Variants in CEP97 observed in about 807,000 individuals in gnomAD.
The protein encoded by CEP97 is centrosomal protein of 97 kDa.
A neutral mutation model predicts 73.1 loss-of-function variants in CEP97; 43 were observed. The ratio of observed to expected loss-of-function variants is 0.59; its 90% CI spans 0.46 to 0.76. The LOEUF (loss-of-function observed/expected upper bound fraction) is 0.76. CEP97 is among the 30% of genes least tolerant of loss of function. The pLI is 0.00. For missense variants in CEP97, 939 were observed against 1,014.0 expected (o/e 0.93, Z 1.00); for synonymous variants, 337 against 370.0 (o/e 0.91, Z 1.02).
chr3:101,731,222 C>G (rs1938098278), intron 4 of CEP97, among the ~76,000 whole-genome samples: 1 of 128,374 alleles, frequency 7.8e-6, no homozygotes, highest in African/African-American at 3.0e-5. Context: ...TAATTTGAGA[C>G]ATCAGAGTCT....
At chr3:101,740,593 CT>C (rs529087626) in intron 6 of CEP97, among the ~76,000 whole-genome samples, 196 of 144,660 alleles carry the variant, frequency 1.4e-3, no homozygotes, top group Admixed American at 1.7e-3. Context: ...CATTGACTTT[CT>C]TTTTTTTTTT....
At chr3:101,729,965 T>G (rs568177945) in intron 4 of CEP97, among the ~76,000 whole-genome samples, 2 of 151,786 alleles carry the variant, frequency 1.3e-5, no homozygotes, top group Admixed American at 6.6e-5. Context: ...CCACCACACC[T>G]GGCTAATTTT....
chr3:101,734,872 C>T (rs1938225023), intron 6 of CEP97, among the ~76,000 whole-genome samples: 1 of 152,072 alleles, frequency 6.6e-6, no homozygotes, highest in African/African-American at 2.4e-5. Context: ...TAAAGAGAGA[C>T]CCACAAAGAG....
At chr3:101,740,666 T>C (rs192312143) in intron 6 of CEP97, among the ~76,000 whole-genome samples, 7 of 152,156 alleles carry the variant, frequency 4.6e-5, no homozygotes, top group African/African-American at 7.2e-5. Flanking sequence ...CTCGGCTCAC[T>C]ACAACCTCCA....
chr3:101,727,444 G>C lies in CEP97; in HGVS notation c.248G>C (p.Arg83Pro), dbSNP rs765011864. 1.9e-6 allele frequency: 3 copies of C among 1,613,724 alleles called. No homozygotes were observed. In the African/African-American group the frequency reaches 4.0e-5, roughly 22 times the overall value. ...MMGVAKLTLL[R>P]VLNLPHNSIG... ...GGTGTGGCCAAGCTGACGTTGCTTC[G>C]TGTATTAAATTTGCCTCATAATAGC... is the stretch of plus-strand genomic sequence containing the variant. The change falls in exon 3 of 11, where the codon CGT (arginine) becomes CCT (proline). Residue 83 changes from arginine (R) to proline (P), a missense_variant. By Grantham distance (103) the Arg-to-Pro change is moderately radical. Coordinates refer to ENST00000341893, the MANE Select transcript of CEP97 (RefSeq NM_024548.4).
chr3:101,765,114 G>A lies in CEP97; in HGVS notation c.2161G>A (p.Glu721Lys). The change falls in exon 11 of 11, where the codon GAG becomes AAG. Residue 721 changes from glutamate to lysine, a missense_variant. Physicochemically the swap from Glu to Lys is moderately conservative, Grantham distance 56 (BLOSUM62 1). Coordinates refer to ENST00000341893, the MANE Select transcript of CEP97 (RefSeq NM_024548.4). ...TTCATTGCAGCATTCTTTGGATTTT[G>A]AGAAAAGTTCCACAGAAGGCAGTGA... ...VHSLQHSLDFEKSSTEGSESS... is the reference protein window; with the variant it reads ...VHSLQHSLDFKKSSTEGSESS... 6.2e-7 allele frequency: 1 copy of A among 1,614,148 alleles called. No homozygotes were observed. Among genetic ancestry groups the A allele is most frequent in the Non-Finnish European group, 8.5e-7 (1 of 1,180,032 alleles).
chr3:101,740,825 G>A (rs1015775391), intron 6 of CEP97, among the ~76,000 whole-genome samples: 1 of 152,184 alleles, frequency 6.6e-6, no homozygotes, highest in African/African-American at 2.4e-5. Flanking sequence ...CCTACCTCAG[G>A]TGATCCACCC....
rs773134376 is a variant in CEP97 at position 101,758,285 on chromosome 3, A to T, written c.1679A>T (p.Asp560Val). Residue 560 changes from aspartate to valine, a missense_variant, in exon 9 of 11, where the codon GAT becomes GTT. Asp to Val is a radical substitution (Grantham distance 152). Coordinates refer to ENST00000341893, the MANE Select transcript of CEP97 (RefSeq NM_024548.4). ...AAAGTTGCCCTTCAGAAATTAAATGATGCAGCCACCAAGCTTCAGGCCTGT... is the reference window on the plus strand; with the variant it reads ...AAAGTTGCCCTTCAGAAATTAAATGTTGCAGCCACCAAGCTTCAGGCCTGT... The part of the protein sequence containing the change: ...QDKVALQKLN[D>V]AATKLQACWR... 1.9e-6 allele frequency: 3 copies of T among 1,614,094 alleles called. No homozygotes were observed. The highest frequency in any genetic ancestry group is 1.1e-5 in the South Asian group (1 of 91,092).
At chr3:101,751,288 T>C (rs1287536224) in intron 6 of CEP97, among the ~76,000 whole-genome samples, 1 of 152,254 alleles carries the variant, frequency 6.6e-6, no homozygotes, top group Non-Finnish European at 1.5e-5. Context: ...CAGTTTGTTA[T>C]AATTTCTGTT....
At position 101,755,529 on chromosome 3, in the gene CEP97, C is replaced by T; in HGVS notation, c.828C>T (p.Leu276=). Residue 276 remains leucine, a synonymous_variant, in exon 7 of 11, where the codon CTC becomes CTT. Coordinates refer to ENST00000341893, the MANE Select transcript of CEP97 (RefSeq NM_024548.4). ...LVQYLATVCP[L]TSTLGLQTAE... ...AATATCTGGCTACAGTCTGCCCCCT[C>T]ACTTCTACACTAGGTCTTCAAACTG... is the stretch of plus-strand genomic sequence containing the variant. 4 of 1,613,720 alleles carry T rather than the reference C, an allele frequency of 2.5e-6. No homozygotes were observed. The highest frequency in any genetic ancestry group is 3.4e-6 in the Non-Finnish European group (4 of 1,179,902).
chr3:101,747,459 C>T (rs1938657651), intron 6 of CEP97, among the ~76,000 whole-genome samples: 1 of 151,722 alleles, frequency 6.6e-6, no homozygotes, highest in Non-Finnish European at 1.5e-5. Flanking sequence ...TGGGGTTTCA[C>T]TGTGTTAGCC....
intron 6 of CEP97, among the ~76,000 whole-genome samples, chr3:101,734,915 G>C (rs1938226700): frequency 6.6e-6 from 1 of 152,172 alleles, no homozygotes; most frequent in African/African-American, 2.4e-5. Context: ...ACAGGGGAAG[G>C]CTTCACTTTT....
rs533779884 is a variant in CEP97 at position 101,762,360 on chromosome 3, A to G, written c.1818-125A>G. On this transcript the variant is annotated intron_variant, in intron 9 of 10. Coordinates refer to ENST00000341893, the MANE Select transcript of CEP97 (RefSeq NM_024548.4). ...AATAAGGTTTTAATTTAGATATTCTAAAAGTGGGAAAGACAACTATTAGAT... is the reference window on the plus strand; with the variant it reads ...AATAAGGTTTTAATTTAGATATTCTGAAAGTGGGAAAGACAACTATTAGAT... The G allele has an allele frequency of 8.4e-6, 4 of 479,022 alleles. No homozygotes were observed. The East Asian group carries it at 1.4e-4, about 17-fold the overall frequency. The allele number at this position is 479,022 out of a possible 1,614,324, so 29.7% of individuals were successfully genotyped here.
At position 101,758,278 on chromosome 3, in the gene CEP97, T is replaced by A; in HGVS notation, c.1672T>A (p.Leu558Ile). ...ACAAGACAAAGTTGCCCTTCAGAAA[T>A]TAAATGATGCAGCCACCAAGCTTCA... Reference protein sequence around the residue: ...LGQDKVALQKLNDAATKLQAC... With the variant: ...LGQDKVALQKINDAATKLQAC... Residue 558 changes from leucine to isoleucine, a missense_variant, in exon 9 of 11, where the codon TTA becomes ATA. By Grantham distance (5) the Leu-to-Ile change is conservative (BLOSUM62 2). Coordinates refer to ENST00000341893, the MANE Select transcript of CEP97 (RefSeq NM_024548.4). The A allele has an allele frequency of 6.2e-7, 1 of 1,614,210 alleles. No homozygotes were observed. The highest frequency in any genetic ancestry group is 1.1e-5 in the South Asian group (1 of 91,086).
intron 2 of CEP97, among the ~76,000 whole-genome samples, chr3:101,726,976 A>C (rs559588560): frequency 3.2e-4 from 49 of 152,184 alleles, no homozygotes; most frequent in Non-Finnish European, 6.8e-4. Flanking sequence ...TGTGTTACTA[A>C]GGTAACCTTT....
intron 6 of CEP97, among the ~76,000 whole-genome samples, chr3:101,747,881 G>A (rs1310084187): frequency 2.6e-5 from 4 of 151,418 alleles, no homozygotes; most frequent in African/African-American, 9.7e-5. Flanking sequence ...TTAGTGCCTG[G>A]GAAGGTCAAC....
At chr3:101,745,292 A>T (rs976152211) in intron 6 of CEP97, among the ~76,000 whole-genome samples, 1 of 152,192 alleles carries the variant, frequency 6.6e-6, no homozygotes, top group African/African-American at 2.4e-5. Flanking sequence ...ATGGGGTCTC[A>T]CATTGTTGTC....
intron 6 of CEP97, among the ~76,000 whole-genome samples, chr3:101,747,253 A>C (rs143405283): frequency 1.5e-3 from 226 of 147,672 alleles, no homozygotes; most frequent in African/African-American, 5.6e-3. Flanking sequence ...TTTTATTCAG[A>C]ACTCCTTTTT....
chr3:101,755,315 G>A, intron 6 of CEP97, 115 bp from the exon 7 acceptor site: 1 of 865,834 alleles, frequency 1.2e-6, no homozygotes. Flanking sequence ...TTTTATTTAT[G>A]AAAAACATAC....
Sources: gnomAD v4.1 joint callset for allele counts (sites outside exome capture counted in the v4.1 genomes callset) on GRCh38, gnomAD v4.1.1 for gene constraint, MANE v1.5 for transcripts, NCBI Gene and HGNC (gene_info 2026-07-23, HGNC 2026-07-21) for gene names.